Variants in PDGFD observed in about 807,000 individuals in gnomAD.
The protein encoded by PDGFD is platelet-derived growth factor D.
PDGFD carries 30 observed loss-of-function variants against 44.7 expected under a neutral mutation model. The observed-to-expected ratio is 0.67, with a 90% confidence interval of 0.50 to 0.91. The LOEUF is 0.91. Ranked by LOEUF, PDGFD falls within the 40% of genes least tolerant of loss-of-function variation. The probability of loss-of-function intolerance (pLI) is 0.00; values close to 1 mark genes in which losing one functional copy is unlikely to be tolerated. For missense variants in PDGFD, 445 were observed against 457.8 expected, an observed-to-expected ratio of 0.97 and a Z score of 0.25; for synonymous variants, 173 against 168.4, an observed-to-expected ratio of 1.03 and a Z score of -0.21.
At chr11:103,981,930 C>G (rs1859278480) in intron 3 of PDGFD, among the ~76,000 whole-genome samples, 1 of 151,852 alleles carries the variant, frequency 6.6e-6, no homozygotes, top group African/African-American at 2.4e-5. Context: ...CATGTAAGGT[C>G]AGGCTAGTAT....
intron 3 of PDGFD, among the ~76,000 whole-genome samples, chr11:103,985,614 C>A (rs1859350907): frequency 6.6e-6 from 1 of 151,682 alleles, no homozygotes; most frequent in African/African-American, 2.4e-5. Flanking sequence ...GATGAGGAAT[C>A]CTGAGGTGAC....
chr11:104,119,526 T>A (rs868215385), intron 1 of PDGFD, among the ~76,000 whole-genome samples: 2 of 24,284 alleles, frequency 8.2e-5, no homozygotes, highest in African/African-American at 2.4e-4. Context: ...ATATAATATA[T>A]TGATATAATA....
At chr11:103,973,338 G>A (rs1290326077) in intron 3 of PDGFD, among the ~76,000 whole-genome samples, 8 of 149,584 alleles carry the variant, frequency 5.3e-5, no homozygotes, top group Admixed American at 3.4e-4. Flanking sequence ...TAGTAGAGAC[G>A]AGGTTTCACC....
chr11:103,995,287 T>A (rs766581643), intron 3 of PDGFD, among the ~76,000 whole-genome samples: 3 of 152,124 alleles, frequency 2.0e-5, no homozygotes, highest in Non-Finnish European at 4.4e-5. Flanking sequence ...TCTACCAGAG[T>A]GCCTGACAAA....
At chr11:104,134,442 T>C (rs1486809323) in intron 1 of PDGFD, among the ~76,000 whole-genome samples, 1 of 151,970 alleles carries the variant, frequency 6.6e-6, no homozygotes, top group East Asian at 1.9e-4. Context: ...ACTGGGAGAA[T>C]AAACCTCAAA....
intron 1 of PDGFD, among the ~76,000 whole-genome samples, chr11:104,104,223 G>A (rs1861439316): frequency 6.6e-6 from 1 of 152,158 alleles, no homozygotes. Flanking sequence ...GCTATTTTGA[G>A]TTATTGCAAA....
chr11:104,123,159 C>G (rs1272033838), intron 1 of PDGFD, among the ~76,000 whole-genome samples: 1 of 151,998 alleles, frequency 6.6e-6, no homozygotes, highest in Non-Finnish European at 1.5e-5. Context: ...TCAAAACCAA[C>G]AGCAAACACA....
At chr11:104,068,540 TTACATAATTGC>T (rs1342315635) in intron 1 of PDGFD, among the ~76,000 whole-genome samples, 1 of 152,212 alleles carries the variant, frequency 6.6e-6, no homozygotes, top group East Asian at 1.9e-4. Flanking sequence ...CAAATATAAA[TTACATAATTGC>T]TACATAATCA....
At chr11:103,919,282 G>A (rs74518572) in intron 6 of PDGFD, among the ~76,000 whole-genome samples, 8,682 of 152,134 alleles carry the variant, frequency 0.057, 322 homozygotes, top group Non-Finnish European at 0.081. Context: ...GCCAATAAAC[G>A]TCTGAATAAA....
chr11:103,975,154 T>C (rs2134347198), intron 3 of PDGFD, among the ~76,000 whole-genome samples: 1 of 152,080 alleles, frequency 6.6e-6, no homozygotes, highest in Non-Finnish European at 1.5e-5. Flanking sequence ...CTCTCCAGCA[T>C]GTTTCCTGAC....
chr11:104,020,458 T>A (rs544053676), intron 1 of PDGFD, among the ~76,000 whole-genome samples: 1 of 152,272 alleles, frequency 6.6e-6, no homozygotes, highest in Non-Finnish European at 1.5e-5. Context: ...AAGAATGAGA[T>A]AATATGTATG....
intron 1 of PDGFD, among the ~76,000 whole-genome samples, chr11:104,150,093 G>A (rs1379925460): frequency 1.3e-5 from 2 of 152,104 alleles, no homozygotes; most frequent in Non-Finnish European, 2.9e-5. Flanking sequence ...TTGTATAGGA[G>A]CAGATATGCA....
At chr11:104,135,146 TAATAA>T (rs1861984837) in intron 1 of PDGFD, among the ~76,000 whole-genome samples, 1 of 5,814 alleles carries the variant, frequency 1.7e-4, no homozygotes, top group Non-Finnish European at 3.0e-4. Flanking sequence ...GGTGTTAATA[TAATAA>T]CATTTAACAT....
At chr11:103,980,594 T>C (rs1859255593) in intron 3 of PDGFD, among the ~76,000 whole-genome samples, 1 of 152,036 alleles carries the variant, frequency 6.6e-6, no homozygotes, top group Non-Finnish European at 1.5e-5. Context: ...CTTTATGGGA[T>C]TCTCTAGTGT....
chr11:103,922,737 T>A (rs1240459616), intron 6 of PDGFD, among the ~76,000 whole-genome samples: 8 of 152,084 alleles, frequency 5.3e-5, no homozygotes, highest in South Asian at 4.1e-4. Flanking sequence ...TCCTTTTTTT[T>A]ATTATTTATT....
Position 104,003,638 on chromosome 11 carries a change from G to A in PDGFD, c.125-3383C>T, listed in dbSNP as rs149445064. ...ATTGATACTCAAGGATGCTGCCAGG[G>A]GAAACATTTTTAGAGGAATGTAAGT... On this transcript the variant is annotated intron_variant, in intron 1 of 6. Transcript: ENST00000393158. Among the ~76,000 whole-genome samples the A allele has an allele frequency of 6.6e-5, 10 of 152,334 alleles. No individual in the cohort carries two copies. The East Asian group carries it at 1.9e-3, about 29-fold the overall frequency.
At chr11:104,160,271 T>TAATTTCAG in intron 1 of PDGFD, among the ~76,000 whole-genome samples, 1 of 152,204 alleles carries the variant, frequency 6.6e-6, no homozygotes, top group East Asian at 1.9e-4. Flanking sequence ...CAAAGAGAAC[T>TAATTTCAG]AATTTCAGAA....
At chr11:104,024,224 A>G (rs1860006856) in intron 1 of PDGFD, among the ~76,000 whole-genome samples, 1 of 152,142 alleles carries the variant, frequency 6.6e-6, no homozygotes, top group Admixed American at 6.6e-5. Context: ...AAAAGGATTA[A>G]TATCTCCAAG....
chr11:103,985,228 G>A (rs1313007718), intron 3 of PDGFD, among the ~76,000 whole-genome samples: 3 of 145,056 alleles, frequency 2.1e-5, no homozygotes, highest in African/African-American at 7.8e-5. Flanking sequence ...TTGAGACAAG[G>A]TCTTGCCTTA....
Sources: allele counts gnomAD v4.1 joint callset (sites outside exome capture counted in the v4.1 genomes callset), GRCh38; gene constraint gnomAD v4.1.1; transcripts MANE v1.5; gene names NCBI Gene and HGNC (gene_info 2026-07-23, HGNC 2026-07-21).